Variants in FOXRED2 observed in about 807,000 individuals in gnomAD.
The protein encoded by FOXRED2 is FAD-dependent oxidoreductase domain-containing protein 2.
Under a neutral mutation model 52.5 loss-of-function variants are expected in FOXRED2, and 32 were observed. The observed-to-expected ratio is 0.61, with a 90% CI of 0.46 to 0.82. The LOEUF (loss-of-function observed/expected upper bound fraction) is 0.82. FOXRED2 is among the 40% of genes least tolerant of loss of function. The pLI, the probability that FOXRED2 is intolerant of heterozygous loss-of-function variation, is 0.00. For missense variants in FOXRED2, 848 were observed against 937.5 expected (o/e 0.90, Z 1.25); for synonymous variants, 405 against 398.1 (o/e 1.02, Z -0.21).
rs1223953523 is a variant in FOXRED2, at chr22:36,506,111, G to A, written c.312C>T (p.Ser104=). The A allele has an allele frequency of 4.3e-6, 7 of 1,614,148 alleles. No individual in the cohort carries two copies. In the Middle Eastern group the frequency reaches 6.6e-4, roughly 152 times the overall value. Residue 104 remains serine, a synonymous_variant, in exon 2 of 9, where the codon AGC becomes AGT. Transcript: ENST00000397224. ...GTCTGAAGAGCAGCCGGGGGTCGTG[G>A]CTGAGCAGAGAGTTCCAGTCGTGGC... ...NLRHDWNSLL[S]HDPRLLFRHY... is the part of the protein sequence containing the mutation.
At chr22:36,495,405 G>A (rs552137964) in intron 7 of FOXRED2, among the ~76,000 whole-genome samples, 1 of 152,312 alleles carries the variant, frequency 6.6e-6, no homozygotes, top group East Asian at 1.9e-4. Context: ...GTGCGTTCCC[G>A]AGGTTGTTCA....
chr22:36,505,043 T>C (rs1934157522), intron 2 of FOXRED2, among the ~76,000 whole-genome samples: 1 of 152,152 alleles, frequency 6.6e-6, no homozygotes, highest in South Asian at 2.1e-4. Flanking sequence ...GAGGAGAAGA[T>C]GACAGTATGA....
chr22:36,498,885 CTTA>C (rs2145850132), intron 5 of FOXRED2, among the ~76,000 whole-genome samples: 1 of 151,728 alleles, frequency 6.6e-6, no homozygotes, highest in East Asian at 2.0e-4. Context: ...GGTCCCTACA[CTTA>C]TTATTGTAGT....
rs1267990650 is a variant in FOXRED2 at position 36,490,102 on chromosome 22, C to T, written c.1961G>A (p.Ser654Asn). The T allele has an allele frequency of 4.3e-6, 7 of 1,613,872 alleles. No homozygotes were observed. The highest frequency in any genetic ancestry group is 1.1e-5 in the South Asian group (1 of 91,062). Residue 654 changes from serine to asparagine, a missense_variant, in exon 9 of 9, where the codon AGC becomes AAC. Physicochemically the swap from Ser to Asn is conservative, Grantham distance 46 (BLOSUM62 1). Coordinates refer to ENST00000397224, the MANE Select transcript of FOXRED2 (RefSeq NM_001102371.2). ...YAPTGRRLEDSSQQLGDQEPL... is the reference protein window; with the variant it reads ...YAPTGRRLEDNSQQLGDQEPL... ...CTCTTGGTCGCCAAGCTGCTGGCTGCTGTCCTCCAGGCGCCTGCCTGTGGG... is the reference window on the plus strand; with the variant it reads ...CTCTTGGTCGCCAAGCTGCTGGCTGTTGTCCTCCAGGCGCCTGCCTGTGGG...
intron 8 of FOXRED2, among the ~76,000 whole-genome samples, chr22:36,491,284 G>A (rs1461598441): frequency 6.6e-6 from 1 of 152,232 alleles, no homozygotes; most frequent in Admixed American, 6.5e-5. Flanking sequence ...TGAAGGTAGG[G>A]AAAGCGGGTG....
chr22:36,494,082 T>C (rs1395088440), intron 7 of FOXRED2, among the ~76,000 whole-genome samples: 1 of 152,180 alleles, frequency 6.6e-6, no homozygotes, highest in Non-Finnish European at 1.5e-5. Context: ...TCCCTAAGAC[T>C]CACATGGACT....
At chr22:36,501,476 T>C in intron 4 of FOXRED2, 69 bp from the exon 5 acceptor site, 1 of 1,520,826 alleles carries the variant, frequency 6.6e-7, no homozygotes, top group Non-Finnish European at 9.1e-7. Flanking sequence ...TTAGTTAGTT[T>C]TGAGATGGAG....
At chr22:36,501,136 C>T in intron 5 of FOXRED2, 105 bp downstream of exon 5, 2 of 1,201,878 alleles carry the variant, frequency 1.7e-6, no homozygotes, top group Admixed American at 4.3e-5. Flanking sequence ...GAGCTACTGA[C>T]AAGCAATCCC....
chr22:36,497,189 A>C (rs1401768394), intron 6 of FOXRED2, among the ~76,000 whole-genome samples: 1 of 151,342 alleles, frequency 6.6e-6, no homozygotes, highest in Non-Finnish European at 1.5e-5. Context: ...CAAAAAAAAA[A>C]ATTAGCCAGG....
At chr22:36,502,809 C>T (rs1416648373) in intron 4 of FOXRED2, among the ~76,000 whole-genome samples, 2 of 152,176 alleles carry the variant, frequency 1.3e-5, no homozygotes, top group East Asian at 3.8e-4. Flanking sequence ...TCTCTTGCCT[C>T]AGCCTCCCGA....
chr22:36,495,991 AGAT>A lies in FOXRED2; in HGVS notation c.1597_1599del (p.Ile533del), dbSNP rs1185473714. Reference sequence around the variant, plus strand: ...CCGGTGGGGAGGTATCTATAGTAGTAGATGACAGGATGAAGAAAGTTAGACTGC... The same window carrying A: ...CCGGTGGGGAGGTATCTATAGTAGTAGACAGGATGAAGAAAGTTAGACTGC... On this transcript the variant is annotated inframe_deletion, in exon 7 of 9. Transcript: ENST00000397224. The A allele has an allele frequency of 3.7e-6, 6 of 1,614,244 alleles. No individual in the cohort carries two copies. The highest frequency in any genetic ancestry group is 5.1e-6 in the Non-Finnish European group (6 of 1,180,038).
intron 1 of FOXRED2, chr22:36,506,751 C>T (rs1934211790): frequency 7.2e-6 from 2 of 276,618 alleles, no homozygotes; most frequent in Non-Finnish European, 6.8e-6. Context: ...TGCCCAACAC[C>T]CCTTTGAACC....
chr22:36,502,647 T>A (rs1934086280), intron 4 of FOXRED2, among the ~76,000 whole-genome samples: 1 of 151,356 alleles, frequency 6.6e-6, no homozygotes, highest in African/African-American at 2.4e-5. Flanking sequence ...TCCCAGCACT[T>A]TCTTTCCTTT....
chr22:36,497,653 C>A (rs1363105810), intron 6 of FOXRED2, among the ~76,000 whole-genome samples: 1 of 152,224 alleles, frequency 6.6e-6, no homozygotes, highest in Non-Finnish European at 1.5e-5. Flanking sequence ...CTGAGATCCA[C>A]GTGGCTGCCT....
rs373333112 is a variant in FOXRED2, at chr22:36,501,376, C to G, written c.1081G>C (p.Gly361Arg). ...SLRLNSGNAF[G>R]KKYPLIRASY... ...GCTCGAATCAGCGGGTACTTCTTGC[C>G]GAATGCATTTCCCGAGTTAAGTCTG... Residue 361 changes from glycine to arginine, a missense_variant, in exon 5 of 9, where the codon GGC (glycine) becomes CGC (arginine). Coordinates refer to ENST00000397224, the MANE Select transcript of FOXRED2 (RefSeq NM_001102371.2). The G allele has an allele frequency of 6.2e-7, 1 of 1,614,064 alleles. No homozygotes were observed.
Position 36,487,302 on chromosome 22 carries a change from T to C in FOXRED2, c.*2706A>G, listed in dbSNP as rs112130969. 6 of 152,270 alleles carry C rather than the reference T, an allele frequency of 3.9e-5. No homozygotes were observed. The highest frequency in any genetic ancestry group is 5.9e-5 in the Non-Finnish European group (4 of 68,058). 9.4% of individuals were successfully genotyped at this position (152,270 alleles called of 1,614,324 possible). A position where few individuals can be genotyped will look rare whatever the true frequency, so the allele number is the denominator to read the frequency against. On this transcript the variant is annotated 3_prime_UTR_variant, in exon 9 of 9. Coordinates refer to ENST00000397224, the MANE Select transcript of FOXRED2 (RefSeq NM_001102371.2). Reference sequence around the variant, plus strand: ...AATGGGTTCTTATCCCTGATGCAGGTACCCCCTACTGCTGTGTTGTTCCCC... The same window carrying C: ...AATGGGTTCTTATCCCTGATGCAGGCACCCCCTACTGCTGTGTTGTTCCCC...
chr22:36,496,115 G>A lies in FOXRED2; in HGVS notation c.1476C>T (p.Leu492=). 2 of 1,614,242 alleles carry A rather than the reference G, an allele frequency of 1.2e-6. No individual in the cohort carries two copies. Among genetic ancestry groups the A allele is most frequent in the Non-Finnish European group, 1.7e-6 (2 of 1,180,054 alleles). Residue 492 remains leucine (L), a synonymous_variant, in exon 7 of 9, where the codon CTC becomes CTT. Transcript: ENST00000397224. ...TGCCATATTCCATGTTGATGACGAA[G>A]AGCCCGTGCTTTGCCTTCCTCCCTG... The part of the protein sequence containing the change: ...TLTGRKAKHG[L]FVINMEYGRN...
rs777301234 is a variant in FOXRED2 at position 36,490,215 on chromosome 22, C to T, written c.1848G>A (p.Gln616=). ...LTRQKLPPFC[Q]QGYLRMQGLV... is the part of the protein sequence containing the mutation. ...GTCCCTGCATCCTCAGGTACCCCTGCTGGCAAAAGGGTGGCAACTTCTGGC... is the reference window on the plus strand; with the variant it reads ...GTCCCTGCATCCTCAGGTACCCCTGTTGGCAAAAGGGTGGCAACTTCTGGC... Residue 616 remains glutamine, a synonymous_variant, in exon 9 of 9, where the codon CAG becomes CAA. Transcript: ENST00000397224. The T allele has an allele frequency of 8.7e-6, 14 of 1,613,528 alleles. No homozygotes were observed. The highest frequency in any genetic ancestry group is 6.8e-6 in the Non-Finnish European group (8 of 1,179,652).
chr22:36,501,134 G>A, intron 5 of FOXRED2, 107 bp downstream of exon 5: 1 of 1,182,232 alleles, frequency 8.5e-7, no homozygotes, highest in East Asian at 2.4e-5. Flanking sequence ...ATGAGCTACT[G>A]ACAAGCAATC....
Sources: gnomAD v4.1 joint callset for allele counts (sites outside exome capture counted in the v4.1 genomes callset) on GRCh38, gnomAD v4.1.1 for gene constraint, MANE v1.5 for transcripts, NCBI Gene and HGNC (gene_info 2026-07-23, HGNC 2026-07-21) for gene names.